The following PBK variants were observed in gnomAD, a reference collection of about 807,000 sequenced individuals.
PBK encodes the protein lymphokine-activated killer T-cell-originated protein kinase.
PBK carries 22 observed loss-of-function variants against 33.5 expected under a neutral mutation model. That is an observed-to-expected ratio of 0.66 (90% confidence interval 0.47 to 0.94). The LOEUF (loss-of-function observed/expected upper bound fraction) is 0.94. PBK is among the 40% of genes least tolerant of loss of function. The probability of loss-of-function intolerance (pLI) is 0.00; values close to 1 mark genes in which losing one functional copy is unlikely to be tolerated. For synonymous variants in PBK, 129 were observed against 123.8 expected (o/e 1.04, Z -0.28); for missense variants, 376 against 383.4 (o/e 0.98, Z 0.16).
chr8:27,836,583 A>G (rs1422509794), intron 1 of PBK, among the ~76,000 whole-genome samples: 1 of 152,028 alleles, frequency 6.6e-6, no homozygotes, highest in East Asian at 1.9e-4. Flanking sequence ...CAAGCATGAG[A>G]AATGAAAAAC....
chr8:27,816,622 C>A (rs930187950), intron 6 of PBK, among the ~76,000 whole-genome samples: 4 of 151,682 alleles, frequency 2.6e-5, no homozygotes, highest in Admixed American at 6.6e-5. Context: ...ATGATTTGCC[C>A]GCCTCGGCCT....
Position 27,820,664 on chromosome 8 carries a change from C to T in PBK, c.496G>A (p.Gly166Arg). 6.4e-7 allele frequency: 1 copy of T among 1,566,736 alleles called. No homozygotes were observed. Among genetic ancestry groups the T allele is most frequent in the South Asian group, 1.2e-5 (1 of 86,644 alleles). ...YLHQEKKLLH[G>R]DIKSSNVVIK... ...ACAACATTTGAAGACTTTATGTCTC[C>T]ATGAAGCAGTTTCTTTTCTTGGTGC... The change falls in exon 6 of 8, where the codon GGA (glycine) becomes AGA (arginine). Residue 166 changes from glycine (G) to arginine (R), a missense_variant. Physicochemically the swap from Gly to Arg is moderately radical, Grantham distance 125. Transcript: ENST00000301905.
chr8:27,824,510 TAAATA>T (rs1374942399), intron 3 of PBK, among the ~76,000 whole-genome samples: 2 of 152,016 alleles, frequency 1.3e-5, no homozygotes, highest in Admixed American at 6.5e-5. Context: ...AATATGTAAG[TAAATA>T]AAATCTTTAT....
intron 2 of PBK, among the ~76,000 whole-genome samples, 199 bp from the exon 3 acceptor site, chr8:27,828,397 C>A (rs550522551): frequency 6.6e-6 from 1 of 152,126 alleles, no homozygotes; most frequent in Admixed American, 6.5e-5. Context: ...AACTCTGAAG[C>A]AGAGATTGGG....
chr8:27,837,153 C>T (rs1422083461), intron 1 of PBK, among the ~76,000 whole-genome samples: 1 of 151,526 alleles, frequency 6.6e-6, no homozygotes, highest in Non-Finnish European at 1.5e-5. Context: ...CTGTGGAATA[C>T]GTAAGATATT....
chr8:27,835,295 G>A (rs531250807), intron 1 of PBK, among the ~76,000 whole-genome samples: 1 of 152,226 alleles, frequency 6.6e-6, no homozygotes, highest in African/African-American at 2.4e-5. Flanking sequence ...TGAGAACACC[G>A]AAGAGCCCCT....
At position 27,811,783 on chromosome 8, in the gene PBK, T is replaced by C. The variant is rs562501935; in HGVS notation, c.596-649A>G. Among the ~76,000 whole-genome samples the C allele has an allele frequency of 6.6e-5, 10 of 152,214 alleles. No individual in the cohort carries two copies. In the South Asian group the frequency reaches 1.9e-3, roughly 28 times the overall value. On this transcript the variant is annotated intron_variant, in intron 6 of 7. Transcript: ENST00000301905. ...GAGTCTTCCAAACCGCAGTCATATATTTCTCCACTTAGTTATATCTTACTG... is the reference window on the plus strand; with the variant it reads ...GAGTCTTCCAAACCGCAGTCATATACTTCTCCACTTAGTTATATCTTACTG...
chr8:27,834,020 T>C (rs1228687489), intron 1 of PBK, among the ~76,000 whole-genome samples: 1 of 148,146 alleles, frequency 6.8e-6, no homozygotes, highest in Non-Finnish European at 1.5e-5. Flanking sequence ...GCTACATATA[T>C]GATGATCCTT....
intron 3 of PBK, among the ~76,000 whole-genome samples, chr8:27,827,225 T>C (rs1313812059): frequency 1.3e-5 from 2 of 152,192 alleles, no homozygotes; most frequent in East Asian, 1.9e-4. Flanking sequence ...TTAATAAACA[T>C]GAAACTAGGT....
chr8:27,815,194 G>A (rs17057902), intron 6 of PBK, among the ~76,000 whole-genome samples: 2 of 146,916 alleles, frequency 1.4e-5, no homozygotes, highest in African/African-American at 5.2e-5. Flanking sequence ...AGAACAAAAG[G>A]GAGGGGTAAA....
intron 2 of PBK, among the ~76,000 whole-genome samples, chr8:27,831,000 G>A (rs1412690292): frequency 1.3e-5 from 2 of 152,108 alleles, no homozygotes; most frequent in East Asian, 1.9e-4. Flanking sequence ...AACAGTTAAG[G>A]TATAAATTCA....
intron 3 of PBK, among the ~76,000 whole-genome samples, chr8:27,827,427 A>T (rs1806046387): frequency 6.6e-6 from 1 of 152,172 alleles, no homozygotes; most frequent in African/African-American, 2.4e-5. Flanking sequence ...CACGCCTGTA[A>T]TCCCAGCTAT....
At chr8:27,824,132 C>T (rs1158789296) in intron 3 of PBK, among the ~76,000 whole-genome samples, 1 of 152,094 alleles carries the variant, frequency 6.6e-6, no homozygotes, top group Non-Finnish European at 1.5e-5. Context: ...GTACATCTAT[C>T]ATCCGTAAGT....
At chr8:27,816,926 T>C (rs1218747701) in intron 6 of PBK, among the ~76,000 whole-genome samples, 1 of 152,150 alleles carries the variant, frequency 6.6e-6, no homozygotes, top group Non-Finnish European at 1.5e-5. Flanking sequence ...TCTCACACAT[T>C]GTTGCATAGT....
intron 5 of PBK, 122 bp from the exon 6 acceptor site, chr8:27,820,816 G>T: frequency 8.2e-6 from 4 of 484,988 alleles, no homozygotes; most frequent in South Asian, 3.9e-5. Flanking sequence ...TTTGTCCAGC[G>T]TTTCAAAATT....
chr8:27,822,189 G>A (rs1397986433), intron 5 of PBK, 130 bp downstream of exon 5: 36 of 668,842 alleles, frequency 5.4e-5, no homozygotes, highest in South Asian at 3.5e-4. Context: ...TTTGTTTTCC[G>A]CTAACCCCTT....
intron 6 of PBK, 138 bp from the exon 7 acceptor site, chr8:27,811,272 C>T: frequency 1.4e-6 from 1 of 699,230 alleles, no homozygotes; most frequent in Middle Eastern, 2.6e-4. Context: ...AAAATACACT[C>T]AACCTCAATA....
intron 3 of PBK, among the ~76,000 whole-genome samples, chr8:27,827,328 G>T (rs528558653): frequency 1.3e-5 from 2 of 152,086 alleles, no homozygotes; most frequent in African/African-American, 4.8e-5. Flanking sequence ...CGGGCAGATC[G>T]CTTGAGGCCA....
rs547969825 is a variant in PBK, at chr8:27,821,035, G to GC, written c.466-342dup. On this transcript the variant is annotated intron_variant, in intron 5 of 7. Coordinates refer to ENST00000301905, the MANE Select transcript of PBK (RefSeq NM_018492.4). ...GACGAGGTTTCACCATGTTGACCAG[G>GC]CTGGTCTGTCTCGAACTCCTGGCTT... Among the ~76,000 whole-genome samples, 38 of 151,874 alleles carry GC rather than the reference G, an allele frequency of 2.5e-4. No homozygotes were observed. In the East Asian group the frequency reaches 7.4e-3, roughly 30 times the overall value.
Sources: allele counts gnomAD v4.1 joint callset (sites outside exome capture counted in the v4.1 genomes callset), GRCh38; gene constraint gnomAD v4.1.1; transcripts MANE v1.5; gene names NCBI Gene and HGNC (gene_info 2026-07-23, HGNC 2026-07-21).